SPON1: variants seen among roughly 807,000 people sequenced by gnomAD.
SPON1 encodes spondin-1.
In SPON1, 52 loss-of-function variants were observed where a neutral mutation model predicts 111.7. The observed-to-expected ratio is 0.47, with a 90% CI of 0.37 to 0.59. SPON1 has a LOEUF of 0.59. Among genes scored for constraint, SPON1 ranks in the 20% least tolerant of loss-of-function variants. The pLI is 0.00. For missense variants in SPON1, 957 were observed against 1,068.5 expected (o/e 0.90, Z 1.46); for synonymous variants, 410 against 395.8 (o/e 1.04, Z -0.43).
rs1370019048 is a variant in SPON1, at chr11:14,266,590, T to C, written c.*903T>C. On this transcript the variant is annotated 3_prime_UTR_variant, in exon 16 of 16. Coordinates refer to ENST00000576479, the MANE Select transcript of SPON1 (RefSeq NM_006108.4). ...CCTACACACATCTAGACGTTCAAGT[T>C]TGCAAATCAGTTTTTAGCAAGAAAA... 2 of 152,130 alleles carry C rather than the reference T, an allele frequency of 1.3e-5. No individual in the cohort carries two copies. The highest frequency in any genetic ancestry group is 2.9e-5 in the Non-Finnish European group (2 of 68,026). The allele number at this position is 152,130 out of a possible 1,614,324, so 9.4% of individuals were successfully genotyped here.
In SPON1 at chr11:14,201,173, T is replaced by C. The variant is rs1218662784; in HGVS notation, c.826-42159T>C. 2.0e-5 allele frequency among the ~76,000 whole-genome samples: 3 copies of C among 152,000 alleles called. No homozygotes were observed. The East Asian group carries it at 5.9e-4, about 30-fold the overall frequency. ...GGCTAATATGGTGAAACCCCATCTC[T>C]ACTAAAAATACAAAAAATTAGCCAG... On this transcript the variant is annotated intron_variant, in intron 6 of 15. Transcript: ENST00000576479.
At chr11:14,256,522 A>C in intron 9 of SPON1, 95 bp from the exon 10 acceptor site, 1 of 819,176 alleles carries the variant, frequency 1.2e-6, no homozygotes, top group Non-Finnish European at 2.0e-6. Flanking sequence ...ATTTGTATAC[A>C]GAATGGCGAT....
At chr11:14,158,170 T>G (rs1005944305) in intron 6 of SPON1, among the ~76,000 whole-genome samples, 2 of 152,134 alleles carry the variant, frequency 1.3e-5, no homozygotes, top group South Asian at 4.1e-4. Context: ...TGGGTTGGGT[T>G]GTTTTTAAGC....
At chr11:14,056,019 A>G (rs1554919152) in intron 3 of SPON1, among the ~76,000 whole-genome samples, 1 of 152,072 alleles carries the variant, frequency 6.6e-6, no homozygotes, top group South Asian at 2.1e-4. Flanking sequence ...TCCCCTCCAC[A>G]CTAGTTTGCT....
chr11:14,164,033 A>G (rs538596755), intron 6 of SPON1, among the ~76,000 whole-genome samples: 78 of 152,334 alleles, frequency 5.1e-4, no homozygotes, highest in African/African-American at 1.8e-3. Context: ...ACTATTTAGA[A>G]CTAAGTATCA....
chr11:14,160,587 ATATATATATTTATATATATT>A (rs1278956203), intron 6 of SPON1, among the ~76,000 whole-genome samples: 1 of 12,612 alleles, frequency 7.9e-5, no homozygotes. Flanking sequence ...ATATATTTAC[ATATATATATTTATATATATT>A]TATATATATT....
intron 3 of SPON1, among the ~76,000 whole-genome samples, chr11:14,056,868 G>A (rs1554919229): frequency 6.6e-6 from 1 of 152,136 alleles, no homozygotes; most frequent in Non-Finnish European, 1.5e-5. Flanking sequence ...TCCAGCCTGG[G>A]TGACAGAGCG....
intron 6 of SPON1, among the ~76,000 whole-genome samples, chr11:14,195,113 A>G (rs942704600): frequency 1.3e-5 from 2 of 152,232 alleles, no homozygotes; most frequent in Non-Finnish European, 2.9e-5. Flanking sequence ...GTAGCCAGAA[A>G]GAATGTCTTT....
At chr11:14,210,983 C>A (rs1280016285) in intron 6 of SPON1, among the ~76,000 whole-genome samples, 2 of 152,098 alleles carry the variant, frequency 1.3e-5, no homozygotes, top group African/African-American at 2.4e-5. Flanking sequence ...GATACCAGTA[C>A]CATGCTGTTT....
chr11:14,094,448 G>A (rs561877595), intron 5 of SPON1, among the ~76,000 whole-genome samples: 11 of 151,818 alleles, frequency 7.2e-5, no homozygotes, highest in Non-Finnish European at 1.3e-4. Flanking sequence ...AGCCTTCTCA[G>A]CATTCAATTA....
chr11:14,169,223 G>A (rs1848068304), intron 6 of SPON1, among the ~76,000 whole-genome samples: 1 of 152,120 alleles, frequency 6.6e-6, no homozygotes, highest in Non-Finnish European at 1.5e-5. Context: ...ATCTCATTGT[G>A]GTTTTGATTT....
intron 10 of SPON1, among the ~76,000 whole-genome samples, chr11:14,257,488 G>C (rs879981278): frequency 6.6e-6 from 1 of 152,176 alleles, no homozygotes; most frequent in African/African-American, 2.4e-5. Context: ...GAGAGGAAGG[G>C]ATAATAAGAA....
chr11:14,200,740 G>A (rs10766167), intron 6 of SPON1, among the ~76,000 whole-genome samples: 59,233 of 147,732 alleles, frequency 0.4, 11,913 homozygotes, highest in East Asian at 0.55. Context: ...GCTTGAACCC[G>A]GGAGGTGGAG....
intron 6 of SPON1, among the ~76,000 whole-genome samples, chr11:14,240,589 T>TTGTGTGTGTGTGTGTG (rs56265194): frequency 3.1e-4 from 44 of 140,342 alleles, no homozygotes; most frequent in Middle Eastern, 3.6e-3. Context: ...AGAAGCAATA[T>TTGTGTGTGTGTGTGTG]TGTGTGTGTG....
intron 6 of SPON1, among the ~76,000 whole-genome samples, chr11:14,168,450 A>G (rs1848056748): frequency 6.6e-6 from 1 of 152,140 alleles, no homozygotes; most frequent in South Asian, 2.1e-4. Flanking sequence ...AACATACAAC[A>G]CATACAAAAA....
intron 4 of SPON1, 22 bp downstream of exon 4, chr11:14,075,440 G>T (rs979218098): frequency 1.3e-6 from 2 of 1,516,966 alleles, no homozygotes; most frequent in Non-Finnish European, 8.9e-7. Context: ...TGGGTGGGGA[G>T]GGGGAGGGGC....
chr11:14,219,311 A>C (rs1186093121), intron 6 of SPON1, among the ~76,000 whole-genome samples: 1 of 152,196 alleles, frequency 6.6e-6, no homozygotes, highest in East Asian at 1.9e-4. Context: ...AAACTTTGAC[A>C]ATTAAATTCA....
At chr11:14,235,678 CAAAAAAAAAAA>C (rs56925967) in intron 6 of SPON1, among the ~76,000 whole-genome samples, 21 of 71,384 alleles carry the variant, frequency 2.9e-4, no homozygotes, top group African/African-American at 1.1e-3. Context: ...GACCCTGCCT[CAAAAAAAAAAA>C]AAAAAAAAAA....
intron 6 of SPON1, among the ~76,000 whole-genome samples, chr11:14,177,897 A>T (rs1848195048): frequency 6.6e-6 from 1 of 152,186 alleles, no homozygotes; most frequent in Non-Finnish European, 1.5e-5. Flanking sequence ...AATTTTGCAA[A>T]GGCGATTTCC....
Sources: allele counts gnomAD v4.1 joint callset (sites outside exome capture counted in the v4.1 genomes callset), GRCh38; gene constraint gnomAD v4.1.1; transcripts MANE v1.5; gene names NCBI Gene and HGNC (gene_info 2026-07-23, HGNC 2026-07-21).